Variants in PBRM1 observed in about 807,000 individuals in gnomAD.
The protein encoded by PBRM1 is polybromo 1.
PBRM1 carries 27 observed loss-of-function variants against 194.5 expected under a neutral mutation model. The ratio of observed to expected loss-of-function variants is 0.14; its 90% CI spans 0.10 to 0.19. The LOEUF is 0.19. PBRM1 is among the 10% of genes least tolerant of loss of function. The probability of loss-of-function intolerance (pLI) is 1.00; values close to 1 mark genes in which losing one functional copy is unlikely to be tolerated. For synonymous variants in PBRM1, 655 were observed against 693.2 expected (o/e 0.94, Z 0.87); for missense variants, 1,466 against 2,077.2 (o/e 0.71, Z 5.72).
intron 13 of PBRM1, among the ~76,000 whole-genome samples, chr3:52,622,632 C>A (rs1169230221): frequency 6.6e-6 from 1 of 152,222 alleles, no homozygotes; most frequent in East Asian, 1.9e-4. Context: ...ACCATCGACA[C>A]TATCCTCCGG....
rs540767873 is a variant in PBRM1 at position 52,640,669 on chromosome 3, T to A, written c.1087+1285A>T. 2.6e-5 allele frequency among the ~76,000 whole-genome samples: 4 copies of A among 152,072 alleles called. No individual in the cohort carries two copies. In the South Asian group the frequency reaches 8.3e-4, roughly 32 times the overall value. ...TCTTTTTCTTCCCCCCAAGACAGAG[T>A]CTTGCTCTGTTGCCCAGGCTGGAGT... On this transcript the variant is annotated intron_variant, in intron 10 of 29. Transcript: ENST00000296302.
exon 27 of PBRM1, chr3:52,554,772 G>A (rs762598795): frequency 5.1e-6 from 8 of 1,580,718 alleles, no homozygotes; most frequent in Non-Finnish European, 6.9e-6. Flanking sequence ...GGAAGATGGT[G>A]GGGTGGAGGC....
At chr3:52,608,886 A>T (rs1014951238) in intron 16 of PBRM1, among the ~76,000 whole-genome samples, 2 of 152,136 alleles carry the variant, frequency 1.3e-5, no homozygotes, top group African/African-American at 4.8e-5. Context: ...GGTACTTAAA[A>T]TGGTGATCAA....
At chr3:52,563,935 G>A in intron 23 of PBRM1, 115 bp downstream of exon 25, 1 of 641,338 alleles carries the variant, frequency 1.6e-6, no homozygotes. Flanking sequence ...TTTTCTATTT[G>A]AAATATTTAC....
chr3:52,562,868 A>G (rs2084009029), intron 24 of PBRM1, among the ~76,000 whole-genome samples: 1 of 152,132 alleles, frequency 6.6e-6, no homozygotes, highest in African/African-American at 2.4e-5. Flanking sequence ...TGAATGAGAA[A>G]AAAATACCAA....
intron 16 of PBRM1, among the ~76,000 whole-genome samples, chr3:52,607,395 C>T (rs1268306965): frequency 6.6e-6 from 1 of 152,164 alleles, no homozygotes; most frequent in Non-Finnish European, 1.5e-5. Context: ...ACCTTGGACT[C>T]TATCTTCCAG....
Position 52,609,603 on chromosome 3 carries a change from T to A in PBRM1, c.2277A>T (p.Thr759=). Residue 759 remains threonine, a synonymous_variant, in exon 16 of 30, where the codon ACA becomes ACT. Coordinates refer to ENST00000296302, the Ensembl canonical transcript of PBRM1. This position sits in a 1 kb window ranked among gnomAD's most constrained non-coding sequence, Gnocchi z 4.1. ...CCTCATCTCCCTCCAGGTCTCTGCGTGTTTCAAGCAGGACTTTGTGTAGAA... is the reference window on the plus strand; with the variant it reads ...CCTCATCTCCCTCCAGGTCTCTGCGAGTTTCAAGCAGGACTTTGTGTAGAA... 1 of 1,613,150 alleles carries A rather than the reference T, an allele frequency of 6.2e-7. No individual in the cohort carries two copies. Among genetic ancestry groups the A allele is most frequent in the Non-Finnish European group, 8.5e-7 (1 of 1,179,594 alleles).
At chr3:52,568,950 T>C (rs1348077787) in intron 22 of PBRM1, among the ~76,000 whole-genome samples, 2 of 152,178 alleles carry the variant, frequency 1.3e-5, no homozygotes, top group Non-Finnish European at 1.5e-5. Context: ...AGTGGTGAGA[T>C]GACAGCTGCT....
At chr3:52,547,658 GTGTT>G (rs1288195560), downstream of PBRM1, 1 of 233,650 alleles carries the variant, frequency 4.3e-6, no homozygotes, top group Non-Finnish European at 8.4e-6. Flanking sequence ...TTGTGTGTGT[GTGTT>G]TTTTTTCATT....
chr3:52,564,018 GCT>G, intron 23 of PBRM1, 30 bp downstream of exon 25: 1 of 1,479,490 alleles, frequency 6.8e-7, no homozygotes, highest in South Asian at 1.2e-5. Context: ...TAATGGAAGT[GCT>G]CTTTTTTCCT....
At chr3:52,587,277 C>T (rs2153788185) in intron 19 of PBRM1, 76 bp downstream of exon 21, 1 of 1,071,846 alleles carries the variant, frequency 9.3e-7, no homozygotes, top group Non-Finnish European at 1.4e-6. Context: ...ATTTTGTAAA[C>T]ATCGATTATT....
chr3:52,664,016 C>G (rs182462573), intron 3 of PBRM1, among the ~76,000 whole-genome samples: 1 of 149,220 alleles, frequency 6.7e-6, no homozygotes, highest in East Asian at 2.0e-4. Flanking sequence ...GCCGAGATAG[C>G]GCCACTGAAC....
intron 22 of PBRM1, among the ~76,000 whole-genome samples, chr3:52,565,883 T>C (rs2085028323): frequency 6.6e-6 from 1 of 152,082 alleles, no homozygotes; most frequent in Non-Finnish European, 1.5e-5. Context: ...ACCCCGTCTC[T>C]ACTAACAGTA....
At chr3:52,662,100 C>G (rs1377245543) in intron 4 of PBRM1, 33 bp downstream of exon 5, 1 of 1,608,548 alleles carries the variant, frequency 6.2e-7, no homozygotes, top group Non-Finnish European at 8.5e-7. Context: ...CTTCCAAGAG[C>G]CCATCCATCA....
intron 15 of PBRM1, among the ~76,000 whole-genome samples, chr3:52,611,876 T>C (rs767721220): frequency 4.6e-5 from 7 of 151,894 alleles, no homozygotes; most frequent in Non-Finnish European, 8.8e-5. Context: ...AAACCCAGAC[T>C]ATGGGAAACT....
At position 52,662,954 on chromosome 3, in the gene PBRM1, C is replaced by T. The variant is rs894596685; in HGVS notation, c.385-678G>A. 4.6e-5 allele frequency among the ~76,000 whole-genome samples: 7 copies of T among 151,870 alleles called. 1 individual carries two copies. ...AATGACGGTTCTGATGTTATTAATACTTGTGGTTTGAAATTCTTTAATACC... is the reference window on the plus strand; with the variant it reads ...AATGACGGTTCTGATGTTATTAATATTTGTGGTTTGAAATTCTTTAATACC... On this transcript the variant is annotated intron_variant, in intron 3 of 29. Coordinates refer to ENST00000296302, the Ensembl canonical transcript of PBRM1.
intron 17 of PBRM1, among the ~76,000 whole-genome samples, chr3:52,600,590 G>A (rs555437768): frequency 3.3e-5 from 5 of 152,064 alleles, no homozygotes; most frequent in African/African-American, 4.8e-5. Flanking sequence ...TCTTTGTAAT[G>A]TTTCTAAGAA....
chr3:52,642,110 G>A (rs1305596636), intron 9 of PBRM1, 65 bp from the exon 11 acceptor site: 1 of 838,228 alleles, frequency 1.2e-6, no homozygotes, highest in Non-Finnish European at 2.0e-6. Flanking sequence ...ACTTTACAGG[G>A]AACAGGAACT....
intron 7 of PBRM1, 144 bp downstream of exon 8, chr3:52,648,200 C>T (rs2096383483): frequency 1.8e-6 from 1 of 551,792 alleles, no homozygotes; most frequent in African/African-American, 2.0e-5. Flanking sequence ...AGCCACTGCG[C>T]CCAGCCTAAA....
Sources: gnomAD v4.1 joint callset for allele counts (sites outside exome capture counted in the v4.1 genomes callset) on GRCh38, gnomAD v4.1.1 for gene constraint, Gnocchi (gnomAD v3.1) non-coding constraint, MANE v1.5 for transcripts, NCBI Gene and HGNC (gene_info 2026-07-23, HGNC 2026-07-21) for gene names.